The following PAQR5 variants were observed in gnomAD, a reference collection of about 807,000 sequenced individuals.
PAQR5 encodes progestin and adipoQ receptor family member 5, also known as membrane progestin receptor gamma.
A neutral mutation model predicts 34.5 loss-of-function variants in PAQR5; 20 were observed. That is an observed-to-expected ratio of 0.58 (90% CI 0.41 to 0.84). PAQR5 has a LOEUF of 0.84. Among genes scored for constraint, PAQR5 ranks in the 40% least tolerant of loss-of-function variants. PAQR5 has a pLI of 0.00. For synonymous variants in PAQR5, 131 were observed against 155.6 expected (o/e 0.84, Z 1.18); for missense variants, 378 against 412.7 (o/e 0.92, Z 0.73).
chr15:69,301,065 G>A (rs926631777), intron 1 of PAQR5, among the ~76,000 whole-genome samples: 2 of 147,388 alleles, frequency 1.4e-5, no homozygotes, highest in Admixed American at 7.0e-5. Flanking sequence ...GTGCAAGGGC[G>A]AGATCTCAGC....
intron 3 of PAQR5, among the ~76,000 whole-genome samples, chr15:69,371,436 C>G (rs1460371310): frequency 2.0e-5 from 3 of 152,080 alleles, no homozygotes; most frequent in African/African-American, 4.8e-5. Context: ...ACCATCTCAT[C>G]GTGCTATCTT....
chr15:69,300,937 C>CTCTCTTTCTTTCTT (rs2053578922), intron 1 of PAQR5, among the ~76,000 whole-genome samples: 1 of 5,188 alleles, frequency 1.9e-4, no homozygotes, highest in South Asian at 0.012. Flanking sequence ...CTCTCTCTCT[C>CTCTCTTTCTTTCTT]TCTTTCTTTC....
chr15:69,327,903 C>G (rs556854291), intron 1 of PAQR5, among the ~76,000 whole-genome samples: 50 of 152,180 alleles, frequency 3.3e-4, no homozygotes, highest in African/African-American at 1.1e-3. Context: ...CTCAGCCTCC[C>G]GAGTAGTTGG....
chr15:69,379,101 C>T (rs1441593395), intron 3 of PAQR5, among the ~76,000 whole-genome samples: 2 of 152,250 alleles, frequency 1.3e-5, no homozygotes, highest in African/African-American at 2.4e-5. Context: ...GCTCTTCTAA[C>T]CATGGCAGGA....
chr15:69,403,621 C>G lies in PAQR5; in HGVS notation c.792C>G (p.Ala264=), dbSNP rs367650612. ...TGTTTCACGTGTGTGTGATCCTGGC[C>G]ACGCACATGCAGATGGAAGCCATAC... ...HQLFHVCVIL[A]THMQMEAILL... Residue 264 remains alanine, a synonymous_variant, in exon 9 of 9, where the codon GCC becomes GCG. Coordinates refer to ENST00000395407, the MANE Select transcript of PAQR5 (RefSeq NM_017705.4). 1.1e-5 allele frequency: 17 copies of G among 1,613,926 alleles called. No homozygotes were observed. The African/African-American group carries it at 2.3e-4, about 22-fold the overall frequency.
intron 1 of PAQR5, among the ~76,000 whole-genome samples, chr15:69,329,580 G>T (rs1172733276): frequency 6.7e-6 from 1 of 149,412 alleles, no homozygotes; most frequent in Non-Finnish European, 1.5e-5. Context: ...TGCCTCCCAG[G>T]TTCAAGCAAT....
chr15:69,300,807 T>TTTCCTTCCTTCCTTCC lies in PAQR5; in HGVS notation c.-277+1762_-277+1777dup, dbSNP rs56373718. ...CTCTCTTTCTTTCTTTCTTTCCTTCTTTCCTTCCTTCCTTCCTTCCTTCCT... is the reference window on the plus strand; with the variant it reads ...CTCTCTTTCTTTCTTTCTTTCCTTCTTTCCTTCCTTCCTTCCTTCCTTCCTTCCTTCCTTCCTTCCT... On this transcript the variant is annotated intron_variant, in intron 1 of 8. Transcript: ENST00000395407. Among the ~76,000 whole-genome samples, 3 of 23,418 alleles carry TTTCCTTCCTTCCTTCC rather than the reference T, an allele frequency of 1.3e-4. 1 individual carries two copies. Among genetic ancestry groups the TTTCCTTCCTTCCTTCC allele is most frequent in the South Asian group, 4.2e-3 (2 of 472 alleles). 15.4% of individuals were successfully genotyped at this position (23,418 alleles called of 152,430 possible).
intron 1 of PAQR5, among the ~76,000 whole-genome samples, chr15:69,321,714 C>T (rs190785341): frequency 1.6e-4 from 25 of 152,306 alleles, no homozygotes; most frequent in Admixed American, 9.8e-4. Context: ...TGGCAACCAC[C>T]AGGTAGAAGA....
chr15:69,375,611 A>C (rs1393427148), intron 3 of PAQR5, among the ~76,000 whole-genome samples: 1 of 152,208 alleles, frequency 6.6e-6, no homozygotes. Context: ...AGGACAGTGC[A>C]CAAGAGGACA....
At chr15:69,364,972 G>A (rs925589173) in intron 3 of PAQR5, among the ~76,000 whole-genome samples, 7 of 151,736 alleles carry the variant, frequency 4.6e-5, no homozygotes, top group Admixed American at 6.6e-5. Context: ...CCCTGACCTC[G>A]TGATTCACCT....
chr15:69,392,971 G>A (rs1211133481), intron 6 of PAQR5, among the ~76,000 whole-genome samples: 2 of 152,022 alleles, frequency 1.3e-5, no homozygotes, highest in Non-Finnish European at 2.9e-5. Flanking sequence ...GTCCTATGAG[G>A]ACTGGCCCTT....
intron 1 of PAQR5, among the ~76,000 whole-genome samples, chr15:69,334,625 G>T (rs80279145): frequency 0.037 from 5,589 of 152,118 alleles, 212 homozygotes; most frequent in East Asian, 0.14. Context: ...TTACTTACCA[G>T]GTTTTTCACT....
intron 1 of PAQR5, among the ~76,000 whole-genome samples, chr15:69,312,805 C>G (rs1489253192): frequency 6.6e-6 from 1 of 152,086 alleles, no homozygotes; most frequent in Non-Finnish European, 1.5e-5. Flanking sequence ...AGTACTGAAG[C>G]CTGAGGCCCT....
chr15:69,361,291 G>A (rs1423784815), intron 3 of PAQR5, among the ~76,000 whole-genome samples: 1 of 152,168 alleles, frequency 6.6e-6, no homozygotes, highest in Non-Finnish European at 1.5e-5. Context: ...TATGTGCAAG[G>A]GATTCAGAGA....
chr15:69,395,764 G>A (rs1305817806), intron 6 of PAQR5, among the ~76,000 whole-genome samples: 3 of 152,212 alleles, frequency 2.0e-5, no homozygotes, highest in East Asian at 3.9e-4. Flanking sequence ...ACCTCTCCGG[G>A]AGTTTGGTTC....
Position 69,405,102 on chromosome 15 carries a change from AT to A in PAQR5, c.*1284del. Reference sequence around the variant, plus strand: ...TCTGAATAGTTCTAAAACACTGAGCATTTTCTCATTTGTTGCATTACTGATT... The same window carrying A: ...TCTGAATAGTTCTAAAACACTGAGCATTTCTCATTTGTTGCATTACTGATT... On this transcript the variant is annotated 3_prime_UTR_variant, in exon 9 of 9. Transcript: ENST00000395407. 2.5e-6 allele frequency: 1 copy of A among 398,232 alleles called. No homozygotes were observed. The highest frequency in any genetic ancestry group is 4.4e-6 in the Non-Finnish European group (1 of 225,838). The allele number at this position is 398,232 out of a possible 1,614,324, so 24.7% of individuals were successfully genotyped here.
intron 1 of PAQR5, among the ~76,000 whole-genome samples, chr15:69,334,356 T>C (rs932203551): frequency 2.6e-5 from 4 of 152,234 alleles, no homozygotes; most frequent in East Asian, 3.8e-4. Flanking sequence ...TTAAAGATTA[T>C]TGGTAAAATA....
intron 5 of PAQR5, 120 bp from the exon 6 acceptor site, chr15:69,389,534 C>A: frequency 7.8e-7 from 1 of 1,287,684 alleles, no homozygotes; most frequent in Non-Finnish European, 1.1e-6. Flanking sequence ...CCAGCGAGGG[C>A]GCAGAGCCAG....
chr15:69,305,544 G>A (rs1187117579), intron 1 of PAQR5, among the ~76,000 whole-genome samples: 1 of 152,092 alleles, frequency 6.6e-6, no homozygotes, highest in Non-Finnish European at 1.5e-5. Context: ...GGGGAGAGAG[G>A]CCTGTGGTTC....
Sources: allele counts gnomAD v4.1 joint callset (sites outside exome capture counted in the v4.1 genomes callset), GRCh38; gene constraint gnomAD v4.1.1; transcripts MANE v1.5; gene names NCBI Gene and HGNC (gene_info 2026-07-23, HGNC 2026-07-21).